The following CASP1 variants were observed in gnomAD, a reference collection of about 807,000 sequenced individuals.
CASP1 encodes the protein caspase 1.
CASP1 carries 31 observed loss-of-function variants against 41.2 expected under a neutral mutation model. The observed-to-expected ratio is 0.75, with a 90% CI of 0.57 to 1.02. The LOEUF is 1.02. CASP1 is among the 50% of genes least tolerant of loss of function. The probability of loss-of-function intolerance (pLI) is 0.00; values close to 1 mark genes in which losing one functional copy is unlikely to be tolerated. For missense variants in CASP1, 490 were observed against 495.7 expected (o/e 0.99, Z 0.11); for synonymous variants, 163 against 166.5 (o/e 0.98, Z 0.16).
chr11:105,035,033 G>C (rs1390710109), intron 1 of CASP1, 74 bp downstream of exon 1: 7 of 1,588,478 alleles, frequency 4.4e-6, no homozygotes, highest in Non-Finnish European at 6.0e-6. Flanking sequence ...GCTAATTATG[G>C]CTTCCAGAAG....
rs769532325 is a variant in CASP1 at position 105,031,196 on chromosome 11, GCTT to G, written c.419_421del (p.Glu140del). 93 of 1,612,224 alleles carry G rather than the reference GCTT, an allele frequency of 5.8e-5. 1 individual carries two copies. The highest frequency in any genetic ancestry group is 7.3e-5 in the Non-Finnish European group (86 of 1,178,760). ...CGACTTTTGTTTCCATATCCTTTGA[GCTT>G]CTTCTAGGGAGCAAAGCTTGACATT... On this transcript the variant is annotated inframe_deletion, in exon 4 of 9. Coordinates refer to ENST00000533400, the MANE Select transcript of CASP1 (RefSeq NM_001257118.3).
At chr11:105,029,345 AT>A in intron 6 of CASP1, 78 bp from the exon 7 acceptor site, 1 of 1,238,448 alleles carries the variant, frequency 8.1e-7, no homozygotes, top group African/African-American at 1.5e-5. Context: ...GTTCAATGAT[AT>A]TTATTAATGT....
At chr11:105,034,165 G>C (rs1178788876) in intron 2 of CASP1, 43 bp downstream of exon 2, 1 of 1,613,390 alleles carries the variant, frequency 6.2e-7, no homozygotes, top group South Asian at 1.1e-5. Context: ...TAGGCACGAA[G>C]ACAGGCCCTA....
intron 8 of CASP1, 86 bp downstream of exon 8, chr11:105,026,756 T>C (rs1327681627): frequency 5.1e-6 from 4 of 779,064 alleles, no homozygotes; most frequent in Non-Finnish European, 9.1e-6. Context: ...AAGATAAACT[T>C]GTCTGGATCT....
chr11:105,032,168 G>A (rs1863737567), intron 3 of CASP1, among the ~76,000 whole-genome samples: 1 of 152,122 alleles, frequency 6.6e-6, no homozygotes, highest in Admixed American at 6.6e-5. Flanking sequence ...CAATCAGTTA[G>A]ATAAACAAAG....
rs1321063780 is a variant in CASP1, at chr11:105,033,972, G to T, written c.274+236C>A. Reference sequence around the variant, plus strand: ...GGTTCTCAAGAGCTTCAGTAAAGGAGCTACCACATACTCAGAACAGGAAAT... The same window carrying T: ...GGTTCTCAAGAGCTTCAGTAAAGGATCTACCACATACTCAGAACAGGAAAT... On this transcript the variant is annotated intron_variant, in intron 2 of 8. Transcript: ENST00000533400. 46 of 800,020 alleles carry T rather than the reference G, an allele frequency of 5.7e-5. No individual in the cohort carries two copies. The Admixed American group carries it at 7.7e-4, about 13-fold the overall frequency. The allele number at this position is 800,020 out of a possible 1,614,324, so 49.6% of individuals were successfully genotyped here.
upstream of CASP1, among the ~76,000 whole-genome samples, chr11:105,036,333 A>C (rs1317644567): frequency 6.6e-6 from 1 of 152,188 alleles, no homozygotes; most frequent in East Asian, 1.9e-4. Flanking sequence ...CCAGAGGTTC[A>C]GTCAAAACAT....
chr11:105,027,351 T>C (rs979594744), intron 7 of CASP1, among the ~76,000 whole-genome samples: 15 of 135,704 alleles, frequency 1.1e-4, no homozygotes, highest in Non-Finnish European at 2.1e-4. Flanking sequence ...AAAAGATTAA[T>C]CGAAATTAAA....
Position 105,034,208 on chromosome 11 carries a change from C to A in CASP1, c.274G>T (p.Asp92Tyr). Residue 92 changes from aspartate to tyrosine, a missense_variant and splice_region_variant, in exon 2 of 9, where the codon GAT (aspartate) becomes TAT (tyrosine). Physicochemically the swap from Asp to Tyr is radical, Grantham distance 160. Coordinates refer to ENST00000533400, the MANE Select transcript of CASP1 (RefSeq NM_001257118.3). ...TTGAGTGTAAGTCACTGACCCTTAC[C>A]TGCTGAGAGTCCCAGCGTCCCTGCC... ...YLAGTLGLSADQTSGNYLNMQ... is the reference protein window; with the variant it reads ...YLAGTLGLSAYQTSGNYLNMQ... The A allele has an allele frequency of 4.3e-6, 7 of 1,614,078 alleles. No individual in the cohort carries two copies. The highest frequency in any genetic ancestry group is 5.9e-6 in the Non-Finnish European group (7 of 1,179,946).
chr11:105,035,772 T>C (rs1193409709), upstream of CASP1, among the ~76,000 whole-genome samples: 3 of 152,030 alleles, frequency 2.0e-5, no homozygotes, highest in African/African-American at 7.2e-5. Flanking sequence ...CATGCCACCA[T>C]GGCCAGCTAA....
chr11:105,026,296 T>A lies in CASP1; in HGVS notation c.1177A>T (p.Thr393Ser). ...AAGAGGTAGAAACATCTTGTCAAAGTCACTCTTTCAGTGGTGGGCATCTGC... is the reference window on the plus strand; with the variant it reads ...AAGAGGTAGAAACATCTTGTCAAAGACACTCTTTCAGTGGTGGGCATCTGC... ...RAQMPTTERV[T>S]LTRCFYLFPG... The change falls in exon 9 of 9, where the codon ACT becomes TCT. Residue 393 changes from threonine to serine, a missense_variant. By Grantham distance (58) the Thr-to-Ser change is moderately conservative. Transcript: ENST00000533400. The A allele has an allele frequency of 6.2e-7, 1 of 1,611,874 alleles. No homozygotes were observed. The highest frequency in any genetic ancestry group is 1.7e-5 in the Admixed American group (1 of 59,886).
chr11:105,028,342 TGCCAAA>T, intron 7 of CASP1, among the ~76,000 whole-genome samples: 1 of 152,262 alleles, frequency 6.6e-6, no homozygotes, highest in East Asian at 1.9e-4. Flanking sequence ...CTCAGGAAAC[TGCCAAA>T]GGTGGTGAAT....
intron 6 of CASP1, 72 bp from the exon 7 acceptor site, chr11:105,029,339 AATG>A (rs1385197578): frequency 2.6e-5 from 34 of 1,298,488 alleles, no homozygotes; most frequent in Middle Eastern, 1.9e-4. Flanking sequence ...GCCTCTGTTC[AATG>A]ATATTTATTA....
intron 7 of CASP1, among the ~76,000 whole-genome samples, chr11:105,027,536 GAC>G (rs1246326478): frequency 6.6e-6 from 1 of 152,028 alleles, no homozygotes; most frequent in Non-Finnish European, 1.5e-5. Context: ...TTACATAGTA[GAC>G]ACAGAAGTAA....
At chr11:105,031,142 T>C in intron 4 of CASP1, 23 bp downstream of exon 4, 1 of 1,372,360 alleles carries the variant, frequency 7.3e-7, no homozygotes, top group African/African-American at 1.4e-5. Context: ...CCCCACTCTA[T>C]CCTTGGGTTC....
At chr11:105,030,014 G>C (rs779561775) in intron 5 of CASP1, 115 bp from the exon 6 acceptor site, 9 of 844,580 alleles carry the variant, frequency 1.1e-5, no homozygotes, top group Non-Finnish European at 1.7e-5. Flanking sequence ...ACAAACAACA[G>C]GGTGCCAAAA....
chr11:105,032,923 G>A lies in CASP1; in HGVS notation c.337+141C>T. 6 of 619,632 alleles carry A rather than the reference G, an allele frequency of 9.7e-6. No homozygotes were observed. In the South Asian group the frequency reaches 1.1e-4, roughly 12 times the overall value. 38.4% of individuals were successfully genotyped at this position (619,632 alleles called of 1,614,324 possible). A position where few individuals can be genotyped will look rare whatever the true frequency, so the allele number is the denominator to read the frequency against. On this transcript the variant is annotated intron_variant, in intron 3 of 8. Coordinates refer to ENST00000533400, the MANE Select transcript of CASP1 (RefSeq NM_001257118.3). ...AGCTGTGGAAACAGTTTCTACAAAA[G>A]CAGAATAGATTACAAAAAGAAAATT... is the stretch of plus-strand genomic sequence containing the variant.
At chr11:105,034,771 G>A in intron 1 of CASP1, 1 of 603,328 alleles carries the variant, frequency 1.7e-6, no homozygotes. Context: ...TAATGAAGCA[G>A]AAATAGCCCA....
rs1430323374 is a variant in CASP1 at position 105,030,448 on chromosome 11, T to C, written c.509A>G (p.Asn170Ser). ...TCTAGGAATACTGTCAAATTCTTCA[T>C]TGCAGATAATGAGAGCAAGACGTGT... ...SRTRLALIICNEEFDSIPRRT... is the reference protein window; with the variant it reads ...SRTRLALIICSEEFDSIPRRT... The change falls in exon 5 of 9, where the codon AAT becomes AGT. Residue 170 changes from asparagine (N) to serine (S), a missense_variant. Transcript: ENST00000533400. 5 of 1,613,506 alleles carry C rather than the reference T, an allele frequency of 3.1e-6. No homozygotes were observed. The highest frequency in any genetic ancestry group is 2.7e-5 in the African/African-American group (2 of 74,878).
Sources: allele counts gnomAD v4.1 joint callset (sites outside exome capture counted in the v4.1 genomes callset), GRCh38; gene constraint gnomAD v4.1.1; transcripts MANE v1.5; gene names NCBI Gene and HGNC (gene_info 2026-07-23, HGNC 2026-07-21).